The following BMP6 variants were observed in gnomAD, a reference collection of about 807,000 sequenced individuals.
BMP6 encodes the protein VG-1-R.
A neutral mutation model predicts 54.1 loss-of-function variants in BMP6; 17 were observed. The observed-to-expected ratio is 0.31, with a 90% CI of 0.22 to 0.47. The LOEUF is 0.47. BMP6 is among the 20% of genes least tolerant of loss of function. The probability of loss-of-function intolerance (pLI) is 1.00; values close to 1 mark genes in which losing one functional copy is unlikely to be tolerated. For missense variants in BMP6, 720 were observed against 690.4 expected (o/e 1.04, Z -0.48); for synonymous variants, 328 against 291.2 (o/e 1.13, Z -1.28).
chr6:7,856,648 G>C (rs1228686199), intron 2 of BMP6, among the ~76,000 whole-genome samples: 3 of 124,404 alleles, frequency 2.4e-5, no homozygotes, highest in Non-Finnish European at 4.8e-5. Flanking sequence ...CCAGGCTGGA[G>C]TGCAGTGGCG....
At chr6:7,759,709 TTTTTTTTTTTTG>T (rs1471062588) in intron 1 of BMP6, among the ~76,000 whole-genome samples, 1 of 134,408 alleles carries the variant, frequency 7.4e-6, no homozygotes, top group African/African-American at 2.9e-5. Context: ...TTTTTTTTTT[TTTTTTTTTTTTG>T]GAGACTGAAT....
At chr6:7,731,021 C>A (rs1330342580) in intron 1 of BMP6, among the ~76,000 whole-genome samples, 1 of 152,198 alleles carries the variant, frequency 6.6e-6, no homozygotes, top group African/African-American at 2.4e-5. Flanking sequence ...AAGTGTGAAT[C>A]AACAGGATAA....
chr6:7,765,778 C>T (rs966062252), intron 1 of BMP6, among the ~76,000 whole-genome samples: 16 of 152,236 alleles, frequency 1.1e-4, no homozygotes, highest in African/African-American at 1.9e-4. Context: ...ATCAAGGTGC[C>T]GGCAGGGCCG....
chr6:7,861,098 T>TA (rs906760484), intron 2 of BMP6, among the ~76,000 whole-genome samples: 1 of 150,072 alleles, frequency 6.7e-6, no homozygotes, highest in Non-Finnish European at 1.5e-5. Context: ...AAAAAAAAAA[T>TA]AAAAAAGTTT....
At chr6:7,816,796 T>G (rs987024974) in intron 1 of BMP6, among the ~76,000 whole-genome samples, 9 of 152,276 alleles carry the variant, frequency 5.9e-5, no homozygotes, top group African/African-American at 1.9e-4. Flanking sequence ...AGGGATAATA[T>G]ATTAGATTAA....
At chr6:7,754,050 T>A (rs996829558) in intron 1 of BMP6, among the ~76,000 whole-genome samples, 1 of 152,208 alleles carries the variant, frequency 6.6e-6, no homozygotes, top group Non-Finnish European at 1.5e-5. Context: ...TCTGTTGTTA[T>A]TGGGTAGAGT....
chr6:7,819,445 A>AT (rs968163008), intron 1 of BMP6, among the ~76,000 whole-genome samples: 19 of 151,454 alleles, frequency 1.3e-4, no homozygotes, highest in African/African-American at 2.9e-4. Flanking sequence ...TGATAACAGT[A>AT]TTTTTTTTTA....
At chr6:7,731,199 G>A (rs1232896188) in intron 1 of BMP6, among the ~76,000 whole-genome samples, 1 of 152,178 alleles carries the variant, frequency 6.6e-6, no homozygotes, top group African/African-American at 2.4e-5. Context: ...GAGCGAGCTC[G>A]TGAACTTGCA....
At chr6:7,872,529 T>C (rs1581291657) in intron 4 of BMP6, among the ~76,000 whole-genome samples, 2 of 152,340 alleles carry the variant, frequency 1.3e-5, no homozygotes, top group South Asian at 4.1e-4. Context: ...GATCCTTACT[T>C]AATGACAAAA....
At chr6:7,792,404 G>GT (rs2113185316) in intron 1 of BMP6, among the ~76,000 whole-genome samples, 1 of 152,258 alleles carries the variant, frequency 6.6e-6, no homozygotes, top group Non-Finnish European at 1.5e-5. Context: ...CTCCCTCTGG[G>GT]TGGATATTCC....
intron 1 of BMP6, among the ~76,000 whole-genome samples, chr6:7,790,777 G>T (rs1355011325): frequency 6.6e-6 from 1 of 152,044 alleles, no homozygotes; most frequent in African/African-American, 2.4e-5. Context: ...CACTCCATAG[G>T]ACATCGCCAC....
intron 2 of BMP6, among the ~76,000 whole-genome samples, chr6:7,849,138 C>T (rs1206167432): frequency 1.3e-5 from 2 of 152,188 alleles, no homozygotes; most frequent in Non-Finnish European, 2.9e-5. Context: ...TATGACACAT[C>T]CTCACACCTC....
intron 2 of BMP6, among the ~76,000 whole-genome samples, chr6:7,854,464 G>A (rs1759193439): frequency 6.6e-6 from 1 of 152,216 alleles, no homozygotes; most frequent in Admixed American, 6.5e-5. Flanking sequence ...GGTTGGTGAT[G>A]AGAACTAAAA....
At chr6:7,771,987 G>T (rs577838439) in intron 1 of BMP6, among the ~76,000 whole-genome samples, 1 of 151,636 alleles carries the variant, frequency 6.6e-6, no homozygotes, top group Admixed American at 6.6e-5. Flanking sequence ...CTGGGAGGTG[G>T]AGGTTGCAGT....
intron 1 of BMP6, among the ~76,000 whole-genome samples, chr6:7,758,800 C>G (rs560824551): frequency 1.8e-4 from 28 of 152,350 alleles, no homozygotes; most frequent in Middle Eastern, 3.4e-3. Context: ...CTCTCCACCC[C>G]CTTCCACATG....
intron 1 of BMP6, among the ~76,000 whole-genome samples, chr6:7,804,594 G>A (rs1343059257): frequency 6.6e-6 from 1 of 152,112 alleles, no homozygotes; most frequent in Admixed American, 6.5e-5. Flanking sequence ...GGTAATGCTG[G>A]AAGTCTTTTT....
chr6:7,836,413 G>C (rs1336633565), intron 1 of BMP6, among the ~76,000 whole-genome samples: 1 of 152,150 alleles, frequency 6.6e-6, no homozygotes, highest in African/African-American at 2.4e-5. Context: ...ATGTGATAAG[G>C]GGTCATAGAA....
intron 2 of BMP6, among the ~76,000 whole-genome samples, chr6:7,851,678 T>G (rs905591593): frequency 3.3e-5 from 5 of 152,202 alleles, no homozygotes; most frequent in African/African-American, 1.2e-4. Flanking sequence ...ATTTCATCAT[T>G]AAGAATGATG....
intron 1 of BMP6, among the ~76,000 whole-genome samples, chr6:7,805,251 C>T (rs1758331317): frequency 6.6e-6 from 1 of 152,146 alleles, no homozygotes; most frequent in African/African-American, 2.4e-5. Context: ...TTCAGTGCAG[C>T]CAGAATAATC....
Sources: gnomAD v4.1 joint callset for allele counts (sites outside exome capture counted in the v4.1 genomes callset) on GRCh38, gnomAD v4.1.1 for gene constraint, MANE v1.5 for transcripts, NCBI Gene and HGNC (gene_info 2026-07-23, HGNC 2026-07-21) for gene names.